The following GPC5 variants were observed in gnomAD, a reference collection of about 807,000 sequenced individuals.
The protein encoded by GPC5 is glypican 5, also known as glypican-5.
GPC5 carries 47 observed loss-of-function variants against 53.9 expected under a neutral mutation model. That is an observed-to-expected ratio of 0.87 (90% CI 0.69 to 1.11). The LOEUF (loss-of-function observed/expected upper bound fraction) is 1.11, where lower values mean the gene tolerates loss of function less well. Among genes scored for constraint, GPC5 ranks in the 50% most tolerant of loss-of-function variants. GPC5 has a pLI of 0.00. For synonymous variants in GPC5, 286 were observed against 263.3 expected, an observed-to-expected ratio of 1.09 and a Z score of -0.84; for missense variants, 748 against 713.1, an observed-to-expected ratio of 1.05 and a Z score of -0.56.
chr13:92,292,736 T>A, intron 7 of GPC5, among the ~76,000 whole-genome samples: 1 of 152,194 alleles, frequency 6.6e-6, no homozygotes, highest in African/African-American at 2.4e-5. Flanking sequence ...TCATGAAAAC[T>A]TCGCCTAAGC....
chr13:91,618,423 G>C (rs68058549), intron 2 of GPC5, among the ~76,000 whole-genome samples: 6,826 of 151,978 alleles, frequency 0.045, 347 homozygotes, highest in South Asian at 0.23. Flanking sequence ...CATCAATATT[G>C]GTGTTACATA....
At chr13:91,852,863 C>T (rs1301655943) in intron 5 of GPC5, among the ~76,000 whole-genome samples, 1 of 152,042 alleles carries the variant, frequency 6.6e-6, no homozygotes, top group African/African-American at 2.4e-5. Context: ...TGAGATATTG[C>T]AGAACTGGGA....
At chr13:92,000,817 C>T (rs1364897172) in intron 6 of GPC5, among the ~76,000 whole-genome samples, 1 of 152,118 alleles carries the variant, frequency 6.6e-6, no homozygotes. Flanking sequence ...AATTTTGGAA[C>T]TTTAGCAATA....
chr13:91,877,904 T>C (rs1430214081), intron 5 of GPC5, among the ~76,000 whole-genome samples: 3 of 152,124 alleles, frequency 2.0e-5, no homozygotes, highest in Non-Finnish European at 4.4e-5. Context: ...GGGCCGGTCT[T>C]TCCTGTGCTT....
At position 92,705,569 on chromosome 13, in the gene GPC5, A is replaced by T. The variant is rs1012772380; in HGVS notation, c.1562-160713A>T. On this transcript the variant is annotated intron_variant, in intron 7 of 7. Transcript: ENST00000377067. Reference sequence around the variant, plus strand: ...AATAATTTCTTTCTATCTTGAAATAATTTTTGTAAATATTGGGTGAAATAA... The same window carrying T: ...AATAATTTCTTTCTATCTTGAAATATTTTTTGTAAATATTGGGTGAAATAA... Among the ~76,000 whole-genome samples the T allele has an allele frequency of 2.4e-4, 37 of 152,278 alleles. 1 individual carries two copies. In the South Asian group the frequency reaches 4.8e-3, roughly 20 times the overall value.
intron 1 of GPC5, among the ~76,000 whole-genome samples, chr13:91,431,851 G>A (rs9556086): frequency 0.52 from 78,627 of 152,068 alleles, 20,648 homozygotes; most frequent in East Asian, 0.71. Flanking sequence ...TACATTTATC[G>A]TTGAAGGTTT....
rs144141854 is a variant in GPC5 at position 91,852,149 on chromosome 13, C to T, written c.1281-55788C>T. On this transcript the variant is annotated intron_variant, in intron 5 of 7. Coordinates refer to ENST00000377067, the MANE Select transcript of GPC5 (RefSeq NM_004466.6). ...AAAAATTAACCTTAGCTCACTGTGA[C>T]ATTTTTACTTTACAAGCATTAGTTG... Among the ~76,000 whole-genome samples the T allele has an allele frequency of 4.4e-3, 673 of 152,076 alleles. 2 individuals carry two copies. Among genetic ancestry groups the T allele is most frequent in the African/African-American group, 0.016 (652 of 41,488 alleles).
At chr13:92,534,275 GTC>G (rs1280954596) in intron 7 of GPC5, among the ~76,000 whole-genome samples, 1 of 152,084 alleles carries the variant, frequency 6.6e-6, no homozygotes, top group African/African-American at 2.4e-5. Context: ...GTGCAACTCT[GTC>G]TCCAATAAAT....
At chr13:91,466,311 C>T (rs771477882) in intron 2 of GPC5, among the ~76,000 whole-genome samples, 3 of 152,304 alleles carry the variant, frequency 2.0e-5, no homozygotes, top group East Asian at 3.9e-4. Flanking sequence ...TCCTATTAAA[C>T]TCATCTACTC....
rs1318731196 is a variant in GPC5 at position 92,661,188 on chromosome 13, G to C, written c.1562-205094G>C. Among the ~76,000 whole-genome samples, 3 of 152,096 alleles carry C rather than the reference G, an allele frequency of 2.0e-5. No homozygotes were observed. In the South Asian group the frequency reaches 6.2e-4, roughly 32 times the overall value. On this transcript the variant is annotated intron_variant, in intron 7 of 7. Transcript: ENST00000377067. ...TGTGCGCATACACTCCCAGCTACTA[G>C]GGAGGCTGAGGTTGGAGGATCACTT... is the stretch of plus-strand genomic sequence containing the variant.
intron 7 of GPC5, among the ~76,000 whole-genome samples, chr13:92,766,567 G>A (rs1323337166): frequency 2.0e-5 from 3 of 152,192 alleles, no homozygotes; most frequent in Non-Finnish European, 2.9e-5. Flanking sequence ...TCAAAGTCAT[G>A]AGTTATTTTA....
intron 7 of GPC5, chr13:92,701,397 A>AAAAT (rs1411631633): frequency 6.6e-6 from 1 of 152,098 alleles, no homozygotes; most frequent in Non-Finnish European, 1.5e-5. Context: ...CCCACGTTGT[A>AAAAT]AAATAATTTA....
chr13:92,071,910 A>G (rs1338002964), intron 6 of GPC5, among the ~76,000 whole-genome samples: 2 of 146,668 alleles, frequency 1.4e-5, no homozygotes, highest in East Asian at 3.9e-4. Flanking sequence ...TTATACATAT[A>G]TGTATATAAT....
chr13:91,526,628 G>A (rs115517141), intron 2 of GPC5, among the ~76,000 whole-genome samples: 2,450 of 152,296 alleles, frequency 0.016, 63 homozygotes, highest in African/African-American at 0.056. Flanking sequence ...AGGAATACAA[G>A]TCTCTACATC....
At chr13:91,592,724 A>T (rs2032847390) in intron 2 of GPC5, among the ~76,000 whole-genome samples, 1 of 152,092 alleles carries the variant, frequency 6.6e-6, no homozygotes, top group Admixed American at 6.5e-5. Context: ...GTGCTGGGGG[A>T]TCCAAAGCCT....
intron 7 of GPC5, among the ~76,000 whole-genome samples, chr13:92,372,696 G>A (rs1027886404): frequency 1.3e-5 from 2 of 150,236 alleles, no homozygotes; most frequent in African/African-American, 5.0e-5. Flanking sequence ...TTTCTGTAGA[G>A]TATCTTTTTT....
intron 6 of GPC5, among the ~76,000 whole-genome samples, chr13:92,127,903 C>A (rs182641482): frequency 1.3e-5 from 2 of 152,112 alleles, no homozygotes; most frequent in South Asian, 2.1e-4. Context: ...ACAATGTACA[C>A]CAGGCCAGGA....
chr13:91,815,846 G>A (rs1010502437), intron 5 of GPC5, among the ~76,000 whole-genome samples: 2 of 152,016 alleles, frequency 1.3e-5, no homozygotes, highest in Non-Finnish European at 2.9e-5. Flanking sequence ...AAATGAAGTG[G>A]CCTCTTTCTC....
chr13:92,782,733 T>C (rs1472063604), intron 7 of GPC5, among the ~76,000 whole-genome samples: 1 of 152,222 alleles, frequency 6.6e-6, no homozygotes, highest in Non-Finnish European at 1.5e-5. Context: ...ACCCAAGATA[T>C]AAAGCATCTC....
Sources: allele counts gnomAD v4.1 joint callset (sites outside exome capture counted in the v4.1 genomes callset), GRCh38; gene constraint gnomAD v4.1.1; transcripts MANE v1.5; gene names NCBI Gene and HGNC (gene_info 2026-07-23, HGNC 2026-07-21).